RUNX1: variants seen among roughly 807,000 people sequenced by gnomAD.
RUNX1 encodes runt-related transcription factor 1.
In RUNX1, 19 loss-of-function variants were observed where a neutral mutation model predicts 42.8. The observed-to-expected ratio is 0.44, with a 90% confidence interval of 0.31 to 0.65. The LOEUF is 0.65. Among genes scored for constraint, RUNX1 ranks in the 30% least tolerant of loss-of-function variants. RUNX1 has a pLI of 0.07. For missense variants in RUNX1, 528 were observed against 672.0 expected (o/e 0.79, Z 2.37); for synonymous variants, 271 against 289.4 (o/e 0.94, Z 0.64).
intron 2 of RUNX1, among the ~76,000 whole-genome samples, chr21:34,938,025 T>TATGC (rs1357989585): frequency 6.6e-6 from 1 of 152,212 alleles, no homozygotes; most frequent in Non-Finnish European, 1.5e-5. Flanking sequence ...GCATTTCAGA[T>TATGC]ATGCATAGTG....
At chr21:34,986,134 G>T (rs1401770285) in intron 2 of RUNX1, among the ~76,000 whole-genome samples, 1 of 152,062 alleles carries the variant, frequency 6.6e-6, no homozygotes, top group African/African-American at 2.4e-5. Context: ...CTCCCAAAAT[G>T]CTGGGATTTC....
intron 8 of RUNX1, among the ~76,000 whole-genome samples, chr21:34,797,781 T>C (rs984023966): frequency 2.0e-5 from 3 of 152,196 alleles, no homozygotes; most frequent in Non-Finnish European, 4.4e-5. Flanking sequence ...GGTTTTCCTA[T>C]TTTACTGTAC....
intron 7 of RUNX1, among the ~76,000 whole-genome samples, chr21:34,827,408 T>C (rs2057002907): frequency 6.6e-6 from 1 of 152,180 alleles, no homozygotes; most frequent in Non-Finnish European, 1.5e-5. Flanking sequence ...AGCCTGGCCA[T>C]GTAAAGAGTG....
At chr21:35,017,926 G>A (rs1363359227) in intron 2 of RUNX1, among the ~76,000 whole-genome samples, 2 of 152,162 alleles carry the variant, frequency 1.3e-5, no homozygotes, top group African/African-American at 2.4e-5. Context: ...GTCCAGCAAG[G>A]GCACCCCAGA....
intron 5 of RUNX1, among the ~76,000 whole-genome samples, chr21:34,869,201 C>G (rs1030441362): frequency 6.6e-6 from 1 of 152,164 alleles, no homozygotes; most frequent in Non-Finnish European, 1.5e-5. Flanking sequence ...CTCAGGGATT[C>G]TCGCTGTAGA....
At position 34,836,059 on chromosome 21, in the gene RUNX1, A is replaced by G. The variant is rs113703480; in HGVS notation, c.614-1458T>C. Among the ~76,000 whole-genome samples, 494 of 152,372 alleles carry G rather than the reference A, an allele frequency of 3.2e-3. 3 individuals are homozygous for G. The highest frequency in any genetic ancestry group is 0.012 in the African/African-American group (479 of 41,586). On this transcript the variant is annotated intron_variant, in intron 6 of 8. Coordinates refer to ENST00000675419, the MANE Select transcript of RUNX1 (RefSeq NM_001754.5). ...AGAAAAAAAGGGCCCACTATATTGC[A>G]GTGATTTTATCATTAACGAGACCTG...
chr21:35,032,862 G>A (rs2059282438), intron 2 of RUNX1, among the ~76,000 whole-genome samples: 2 of 152,226 alleles, frequency 1.3e-5, no homozygotes, highest in African/African-American at 4.8e-5. Context: ...TTGTATGTGA[G>A]AGGAGATCAG....
Position 34,859,537 on chromosome 21 carries a change from G to T in RUNX1, c.550C>A (p.Pro184Thr), listed in dbSNP as rs2146236076. ...TLTITVFTNP[P>T]QVATYHRAIK... Reference sequence around the variant, plus strand: ...GCTCTGTGGTAGGTGGCGACTTGCGGTGGGTTTGTGAAGACAGTGATGGTC... The same window carrying T: ...GCTCTGTGGTAGGTGGCGACTTGCGTTGGGTTTGTGAAGACAGTGATGGTC... The change falls in exon 6 of 9, where the codon CCG becomes ACG. Residue 184 changes from proline to threonine, a missense_variant. By Grantham distance (38) the Pro-to-Thr change is conservative. Around this residue, in one of 3 missense-constraint regions of RUNX1, gnomAD observed 83 missense variants for 174.5 expected, o/e 0.48. Transcript: ENST00000675419. 1 of 1,614,208 alleles carries T rather than the reference G, an allele frequency of 6.2e-7. No homozygotes were observed. The highest frequency in any genetic ancestry group is 1.3e-5 in the African/African-American group (1 of 75,042).
rs1568814239 is a variant in RUNX1, at chr21:35,047,547, A to ACTCT, written c.58+1294_58+1295insAGAG. The stretch of plus-strand genomic sequence containing the variant: ...CACACACACACACACACACACACAC[A>ACTCT]CACACACACACACACTCTCTCTCTC... On this transcript the variant is annotated intron_variant, in intron 2 of 8. Coordinates refer to ENST00000675419, the MANE Select transcript of RUNX1 (RefSeq NM_001754.5). 1.4e-3 allele frequency among the ~76,000 whole-genome samples: 177 copies of ACTCT among 123,118 alleles called. 1 individual carries two copies. Among genetic ancestry groups the ACTCT allele is most frequent in the Non-Finnish European group, 1.9e-3 (114 of 58,700 alleles). 80.8% of individuals were successfully genotyped at this position (123,118 alleles called of 152,430 possible).
chr21:34,879,820 A>C (rs906138948), intron 5 of RUNX1, among the ~76,000 whole-genome samples: 1 of 152,236 alleles, frequency 6.6e-6, no homozygotes, highest in Admixed American at 6.5e-5. Flanking sequence ...ATAAGCCAAG[A>C]TTCCTATTTC....
intron 5 of RUNX1, among the ~76,000 whole-genome samples, chr21:34,880,172 C>T (rs547477534): frequency 2.0e-5 from 3 of 152,312 alleles, no homozygotes; most frequent in Admixed American, 1.3e-4. Flanking sequence ...ACAGATCATA[C>T]GTCAACAGTT....
chr21:34,988,050 G>A (rs1308124482), intron 2 of RUNX1, among the ~76,000 whole-genome samples: 1 of 152,170 alleles, frequency 6.6e-6, no homozygotes, highest in Admixed American at 6.5e-5. Context: ...GTTGCTGTTT[G>A]TGAATTCACT....
intron 4 of RUNX1, among the ~76,000 whole-genome samples, chr21:34,885,627 G>T (rs2057972244): frequency 6.6e-6 from 1 of 152,102 alleles, no homozygotes; most frequent in African/African-American, 2.4e-5. Flanking sequence ...AAAAATAACC[G>T]CAACAATACT....
chr21:34,846,866 T>C (rs2057325020), intron 6 of RUNX1, among the ~76,000 whole-genome samples: 1 of 152,184 alleles, frequency 6.6e-6, no homozygotes, highest in Non-Finnish European at 1.5e-5. Context: ...TGTCAGCAAA[T>C]GAACAGGACA....
chr21:34,910,774 A>T (rs2058266002), intron 2 of RUNX1, among the ~76,000 whole-genome samples: 1 of 151,646 alleles, frequency 6.6e-6, no homozygotes. Context: ...TTTTGTCGTT[A>T]TGTTATTGTT....
intron 6 of RUNX1, among the ~76,000 whole-genome samples, chr21:34,849,267 T>A (rs1222538077): frequency 4.3e-5 from 3 of 70,564 alleles, no homozygotes; most frequent in African/African-American, 5.5e-5. Flanking sequence ...TATATATATA[T>A]AATATATATA....
intron 2 of RUNX1, among the ~76,000 whole-genome samples, chr21:34,977,130 T>C (rs1227820538): frequency 1.3e-5 from 2 of 152,262 alleles, no homozygotes; most frequent in African/African-American, 4.8e-5. Flanking sequence ...GCCGTTTTAC[T>C]GACTATGGCT....
At chr21:34,949,600 G>A (rs2058591625) in intron 2 of RUNX1, among the ~76,000 whole-genome samples, 1 of 152,188 alleles carries the variant, frequency 6.6e-6, no homozygotes, top group African/African-American at 2.4e-5. Context: ...TCCCCTAGGT[G>A]TACTTGTTAA....
Position 34,811,549 on chromosome 21 carries a change from T to A in RUNX1, c.806-12087A>T, listed in dbSNP as rs77366097. ...ACACAGGTCTTTCACTCTATGTGAT[T>A]CCCTGGCTGCCCCTTCACCTCCAAG... is the stretch of plus-strand genomic sequence containing the variant. On this transcript the variant is annotated intron_variant, in intron 7 of 8. Coordinates refer to ENST00000675419, the MANE Select transcript of RUNX1 (RefSeq NM_001754.5). Among the ~76,000 whole-genome samples, 655 of 152,306 alleles carry A rather than the reference T, an allele frequency of 4.3e-3. 17 individuals are homozygous for A. Among genetic ancestry groups the A allele is most frequent in the East Asian group, 0.037 (194 of 5,182 alleles).
Sources: allele counts gnomAD v4.1 joint callset (sites outside exome capture counted in the v4.1 genomes callset), GRCh38; gene constraint gnomAD v4.1.1; regional missense constraint gnomAD v4.1.1; transcripts MANE v1.5; gene names NCBI Gene and HGNC (gene_info 2026-07-23, HGNC 2026-07-21).